EID2: variants seen among roughly 807,000 people sequenced by gnomAD.
The protein encoded by EID2 is EP300-interacting inhibitor of differentiation 2.
A neutral mutation model predicts 2.6 loss-of-function variants in EID2; 1 was observed. That is an observed-to-expected ratio of 0.39 (90% CI 0.14 to 1.85). The LOEUF (loss-of-function observed/expected upper bound fraction) is 1.85. Ranked by LOEUF, EID2 falls within the 40% of genes most tolerant of loss-of-function variation. The probability of loss-of-function intolerance (pLI) is 0.32; values close to 1 mark genes in which losing one functional copy is unlikely to be tolerated. For synonymous variants in EID2, 126 were observed against 147.2 expected, an observed-to-expected ratio of 0.86 and a Z score of 1.04; for missense variants, 285 against 338.4, an observed-to-expected ratio of 0.84 and a Z score of 1.24.
rs927555419 is a variant in EID2, at chr19:39,540,080, C to G, written c.-1G>C. On this transcript the variant is annotated 5_prime_UTR_variant, in exon 1 of 1. Coordinates refer to ENST00000390658, the MANE Select transcript of EID2 (RefSeq NM_153232.4). ...TGCTGTCTGCGGGCAGCTTGGACAT[C>G]TCAGACCGTGGGGTCAACTCGGCTG... 2 of 1,595,626 alleles carry G rather than the reference C, an allele frequency of 1.3e-6. No individual in the cohort carries two copies. Among genetic ancestry groups the G allele is most frequent in the Middle Eastern group, 1.8e-4 (1 of 5,442 alleles).
rs1487140356 is a variant in EID2, at chr19:39,539,768, C to G, written c.312G>C (p.Arg104=). The change falls in exon 1 of 1, where the codon CGG becomes CGC. Residue 104 remains arginine (R), a synonymous_variant. Coordinates refer to ENST00000390658, the MANE Select transcript of EID2 (RefSeq NM_153232.4). ...CCAGCAAGCGGGCGACCTCCGCCAT[C>G]CGGGCTTCCCTGGCCGCCGCCGCCG... The part of the protein sequence containing the change: ...SPAAAAAREA[R]MAEVARLLGE... 1.2e-6 allele frequency: 2 copies of G among 1,603,926 alleles called. No individual in the cohort carries two copies. The highest frequency in any genetic ancestry group is 1.7e-5 in the Admixed American group (1 of 59,882).
chr19:39,539,246 CCT>C lies in EID2; in HGVS notation c.*121_*122del, dbSNP rs1972053573. The C allele has an allele frequency of 2.4e-6, 2 of 843,160 alleles. No homozygotes were observed. The highest frequency in any genetic ancestry group is 3.4e-5 in the African/African-American group (2 of 58,366). 52.2% of individuals were successfully genotyped at this position (843,160 alleles called of 1,614,324 possible). A position where few individuals can be genotyped will look rare whatever the true frequency, so the allele number is the denominator to read the frequency against. ...TTTTCAAGATAAGCTTCCCCCTCCC[CCT>C]TTTTTTCCCCTCCACCTGTGCACTG... On this transcript the variant is annotated 3_prime_UTR_variant, in exon 1 of 1. Transcript: ENST00000390658.
Position 39,539,267 on chromosome 19 carries a change from T to C in EID2, c.*102A>G. 1 of 1,087,676 alleles carries C rather than the reference T, an allele frequency of 9.2e-7. No homozygotes were observed. Among genetic ancestry groups the C allele is most frequent in the Non-Finnish European group, 1.3e-6 (1 of 743,838 alleles). 67.4% of individuals were successfully genotyped at this position (1,087,676 alleles called of 1,614,324 possible). On this transcript the variant is annotated 3_prime_UTR_variant, in exon 1 of 1. Coordinates refer to ENST00000390658, the MANE Select transcript of EID2 (RefSeq NM_153232.4). Reference sequence around the variant, plus strand: ...TCCCCCTTTTTTTCCCCTCCACCTGTGCACTGTCTTATCGCGATATACTCT... The same window carrying C: ...TCCCCCTTTTTTTCCCCTCCACCTGCGCACTGTCTTATCGCGATATACTCT...
In EID2 at chr19:39,539,697, C is replaced by T; in HGVS notation, c.383G>A (p.Arg128Lys). ...EEGPEGRPRSRHGNGGLAALP... is the reference protein window; with the variant it reads ...EEGPEGRPRSKHGNGGLAALP... ...CGCAGCCAGGCCTCCGTTCCCGTGT[C>T]TGGACCTGGGCCTGCCCTCGGGACC... is the stretch of plus-strand genomic sequence containing the variant. Residue 128 changes from arginine (R) to lysine (K), a missense_variant, in exon 1 of 1, where the codon AGA becomes AAA. Transcript: ENST00000390658. The T allele has an allele frequency of 6.2e-7, 1 of 1,614,158 alleles. No individual in the cohort carries two copies. Among genetic ancestry groups the T allele is most frequent in the Non-Finnish European group, 8.5e-7 (1 of 1,180,018 alleles).
rs1390923317 is a variant in EID2 at position 39,539,660 on chromosome 19, G to A, written c.420C>T (p.Leu140=). 4.3e-6 allele frequency: 7 copies of A among 1,614,124 alleles called. No homozygotes were observed. The highest frequency in any genetic ancestry group is 1.1e-5 in the South Asian group (1 of 91,092). Reference sequence around the variant, plus strand: ...AAACGCTAAGTGGGTGGCGGAGACGGAGATAGGGCAACGCAGCCAGGCCTC... The same window carrying A: ...AAACGCTAAGTGGGTGGCGGAGACGAAGATAGGGCAACGCAGCCAGGCCTC... ...GNGGLAALPY[L]RLRHPLSVLG... Residue 140 remains leucine (L), a synonymous_variant, in exon 1 of 1, where the codon CTC becomes CTT. Transcript: ENST00000390658.
In EID2 at chr19:39,539,667, G is replaced by A; in HGVS notation, c.413C>T (p.Pro138Leu). 1 of 1,614,224 alleles carries A rather than the reference G, an allele frequency of 6.2e-7. No individual in the cohort carries two copies. Among genetic ancestry groups the A allele is most frequent in the Non-Finnish European group, 8.5e-7 (1 of 1,180,026 alleles). Residue 138 changes from proline to leucine, a missense_variant, in exon 1 of 1, where the codon CCC (proline) becomes CTC (leucine). Transcript: ENST00000390658. ...RHGNGGLAAL[P>L]YLRLRHPLSV... Reference sequence around the variant, plus strand: ...AAGTGGGTGGCGGAGACGGAGATAGGGCAACGCAGCCAGGCCTCCGTTCCC... The same window carrying A: ...AAGTGGGTGGCGGAGACGGAGATAGAGCAACGCAGCCAGGCCTCCGTTCCC...
rs76765165 is a variant in EID2, at chr19:39,540,014, G to C, written c.66C>G (p.Val22=). 0.24 allele frequency: 376,537 copies of C among 1,591,448 alleles called. 45,439 individuals are homozygous for C. Among genetic ancestry groups the C allele is most frequent in the East Asian group, 0.3 (13,112 of 43,512 alleles). ...QTGAANGDRD[V]PQAEVGRGRR... ...TCCCGCGGCCTACCTCCGCCTGCGG[G>C]ACGTCTCTGTCACCATTCGCCGCGC... The change falls in exon 1 of 1, where the codon GTC becomes GTG. Residue 22 remains valine, a synonymous_variant. Transcript: ENST00000390658.
chr19:39,540,112 G>A lies in EID2; in HGVS notation c.-33C>T, dbSNP rs761259157. ...CGTGGGGTCAACTCGGCTGCTCCCA[G>A]AGAAACTGGAATAACTGGACAGAGC... On this transcript the variant is annotated 5_prime_UTR_variant, in exon 1 of 1. Transcript: ENST00000390658. The A allele has an allele frequency of 7.6e-6, 12 of 1,585,806 alleles. No individual in the cohort carries two copies. The highest frequency in any genetic ancestry group is 1.0e-5 in the Non-Finnish European group (12 of 1,167,980).
Position 39,539,302 on chromosome 19 carries a change from A to C in EID2, c.*67T>G. The C allele has an allele frequency of 1.4e-6, 2 of 1,452,710 alleles. No individual in the cohort carries two copies. The allele number at this position is 1,452,710 out of a possible 1,614,324, so 90.0% of individuals were successfully genotyped here. Reference sequence around the variant, plus strand: ...TATCGCGATATACTCTTGACTTCTGAAAATCAAGTTGCAGGATTGGTATGA... The same window carrying C: ...TATCGCGATATACTCTTGACTTCTGCAAATCAAGTTGCAGGATTGGTATGA... On this transcript the variant is annotated 3_prime_UTR_variant, in exon 1 of 1. Transcript: ENST00000390658.
rs1332235834 is a variant in EID2 at position 39,538,773 on chromosome 19, A to C, written c.*596T>G. 1.3e-5 allele frequency: 2 copies of C among 152,202 alleles called. No individual in the cohort carries two copies. The highest frequency in any genetic ancestry group is 2.9e-5 in the Non-Finnish European group (2 of 68,044). 9.4% of individuals were successfully genotyped at this position (152,202 alleles called of 1,614,324 possible). On this transcript the variant is annotated 3_prime_UTR_variant, in exon 1 of 1. Coordinates refer to ENST00000390658, the MANE Select transcript of EID2 (RefSeq NM_153232.4). Reference sequence around the variant, plus strand: ...ATTTTTTAATACCAAAAAAACTTTAAAAATTAAAAATTGAAAGAAAAAAGT... The same window carrying C: ...ATTTTTTAATACCAAAAAAACTTTACAAATTAAAAATTGAAAGAAAAAAGT...
In EID2 at chr19:39,539,474, C is replaced by G. The variant is rs1972057000; in HGVS notation, c.606G>C (p.Arg202Ser). The part of the protein sequence containing the change: ...FDAEYQRNPH[R>S]VDLDILTFTI... ...TAAAGGTTAAAATATCGAGGTCCAC[C>G]CTGTGAGGATTTCGCTGATATTCGG... The change falls in exon 1 of 1, where the codon AGG (arginine) becomes AGC (serine). Residue 202 changes from arginine to serine, a missense_variant. Coordinates refer to ENST00000390658, the MANE Select transcript of EID2 (RefSeq NM_153232.4). 1 of 1,614,084 alleles carries G rather than the reference C, an allele frequency of 6.2e-7. No homozygotes were observed. The highest frequency in any genetic ancestry group is 1.7e-5 in the Admixed American group (1 of 60,006).
chr19:39,539,130 T>C lies in EID2; in HGVS notation c.*239A>G. On this transcript the variant is annotated 3_prime_UTR_variant, in exon 1 of 1. Transcript: ENST00000390658. Reference sequence around the variant, plus strand: ...AAGCAATGCTGAGAGACATTTTCCATAATGCAGGGGGAAAAATGTGGATCA... The same window carrying C: ...AAGCAATGCTGAGAGACATTTTCCACAATGCAGGGGGAAAAATGTGGATCA... The C allele has an allele frequency of 2.2e-6, 1 of 454,220 alleles. No homozygotes were observed. Among genetic ancestry groups the C allele is most frequent in the Non-Finnish European group, 3.9e-6 (1 of 253,306 alleles). 28.1% of individuals were successfully genotyped at this position (454,220 alleles called of 1,614,324 possible).
Position 39,539,512 on chromosome 19 carries a change from C to T in EID2, c.568G>A (p.Ala190Thr). The T allele has an allele frequency of 6.2e-7, 1 of 1,614,298 alleles. No homozygotes were observed. Among genetic ancestry groups the T allele is most frequent in the Middle Eastern group, 1.6e-4 (1 of 6,062 alleles). ...CGCTGATATTCGGCATCAAACGCTG[C>T]TTCCCTTGCTCTGCAGGCTTCCACG... is the stretch of plus-strand genomic sequence containing the variant. ...RFVEACRAREAAFDAEYQRNP... is the reference protein window; with the variant it reads ...RFVEACRARETAFDAEYQRNP... Residue 190 changes from alanine to threonine, a missense_variant, in exon 1 of 1, where the codon GCA becomes ACA. Physicochemically the swap from Ala to Thr is moderately conservative, Grantham distance 58. Coordinates refer to ENST00000390658, the MANE Select transcript of EID2 (RefSeq NM_153232.4).
Position 39,539,803 on chromosome 19 carries a change from C to T in EID2, c.277G>A (p.Glu93Lys). Reference protein sequence around the residue: ...ALARAAAAGRESPAAAAAREA... With the variant: ...ALARAAAAGRKSPAAAAAREA... ...CTGGCCGCCGCCGCCGCCGGGCTTT[C>T]CCTGCCCGCCGCGGCTGCCCTGGCC... Residue 93 changes from glutamate (E) to lysine (K), a missense_variant, in exon 1 of 1, where the codon GAA becomes AAA. By Grantham distance (56) the Glu-to-Lys change is moderately conservative (BLOSUM62 1). Transcript: ENST00000390658. 6.3e-7 allele frequency: 1 copy of T among 1,575,840 alleles called. No homozygotes were observed.
chr19:39,539,733 A>G lies in EID2; in HGVS notation c.347T>C (p.Val116Ala). ...CCTGCCCTCGGGACCCTCTTCGTCC[A>G]CTGGCTCCCCCAGCAAGCGGGCGAC... ...AEVARLLGEP[V>A]DEEGPEGRPR... Residue 116 changes from valine (V) to alanine (A), a missense_variant, in exon 1 of 1, where the codon GTG becomes GCG. Coordinates refer to ENST00000390658, the MANE Select transcript of EID2 (RefSeq NM_153232.4). The G allele has an allele frequency of 6.2e-7, 1 of 1,612,548 alleles. No homozygotes were observed. Among genetic ancestry groups the G allele is most frequent in the Non-Finnish European group, 8.5e-7 (1 of 1,179,762 alleles).
chr19:39,539,353 T>G lies in EID2; in HGVS notation c.*16A>C. On this transcript the variant is annotated 3_prime_UTR_variant, in exon 1 of 1. Transcript: ENST00000390658. ...CTGGAATGCAGAGGTTCTCTTGAAG[T>G]AGTGTCACCACATAACTATTCTCTA... 6.2e-7 allele frequency: 1 copy of G among 1,600,216 alleles called. No homozygotes were observed. The highest frequency in any genetic ancestry group is 8.6e-7 in the Non-Finnish European group (1 of 1,168,648).
rs1972066310 is a variant in EID2 at position 39,539,954 on chromosome 19, G to A, written c.126C>T (p.Ala42=). 1.3e-6 allele frequency: 2 copies of A among 1,549,306 alleles called. No homozygotes were observed. The highest frequency in any genetic ancestry group is 1.9e-5 in the Admixed American group (1 of 53,256). Residue 42 remains alanine, a synonymous_variant, in exon 1 of 1, where the codon GCC becomes GCT. Transcript: ENST00000390658. ...REPAPAQPEE[A]GEGAMAAARG... is the part of the protein sequence containing the mutation. ...TGGCCGCCGCCATCGCGCCTTCCCC[G>A]GCCTCCTCAGGCTGTGCCGGGGCCG...
At position 39,539,562 on chromosome 19, in the gene EID2, T is replaced by G. The variant is rs1972058107; in HGVS notation, c.518A>C (p.Glu173Ala). The G allele has an allele frequency of 1.2e-6, 2 of 1,614,194 alleles. No homozygotes were observed. The highest frequency in any genetic ancestry group is 1.7e-6 in the Non-Finnish European group (2 of 1,180,040). ...GAATCGCCTGCGGCGTTCTTCAAGC[T>G]CTTGTATTCTGCCGGGAGCAATCGG... Reference protein sequence around the residue: ...NYPIAPGRIQELEERRRRFVE... With the variant: ...NYPIAPGRIQALEERRRRFVE... The change falls in exon 1 of 1, where the codon GAG becomes GCG. Residue 173 changes from glutamate (E) to alanine (A), a missense_variant. Coordinates refer to ENST00000390658, the MANE Select transcript of EID2 (RefSeq NM_153232.4).
At position 39,539,099 on chromosome 19, in the gene EID2, G is replaced by T; in HGVS notation, c.*270C>A. On this transcript the variant is annotated 3_prime_UTR_variant, in exon 1 of 1. Transcript: ENST00000390658. ...ATTTTATAAAACCATCCTTTACTTT[G>T]TAATAAAGCAATGCTGAGAGACATT... 1 of 373,556 alleles carries T rather than the reference G, an allele frequency of 2.7e-6. No individual in the cohort carries two copies. Among genetic ancestry groups the T allele is most frequent in the Non-Finnish European group, 4.9e-6 (1 of 203,600 alleles). 23.1% of individuals were successfully genotyped at this position (373,556 alleles called of 1,614,324 possible).
Sources: gnomAD v4.1 joint callset for allele counts on GRCh38, gnomAD v4.1.1 for gene constraint, MANE v1.5 for transcripts, NCBI Gene and HGNC (gene_info 2026-07-23, HGNC 2026-07-21) for gene names.